Variants in MAF observed in about 807,000 individuals in gnomAD.
MAF encodes transcription factor Maf.
In MAF, 10 loss-of-function variants were observed where a neutral mutation model predicts 22.0. That is an observed-to-expected ratio of 0.45 (90% CI 0.28 to 0.77). The LOEUF (loss-of-function observed/expected upper bound fraction) is 0.77, where lower values mean the gene tolerates loss of function less well. Ranked by LOEUF, MAF falls within the 30% of genes least tolerant of loss-of-function variation. The pLI is 0.12. For synonymous variants in MAF, 337 were observed against 255.8 expected, an observed-to-expected ratio of 1.32 and a Z score of -3.03; for missense variants, 544 against 548.4, an observed-to-expected ratio of 0.99 and a Z score of 0.08.
At chr16:79,322,106 C>T in the MAF span, among the ~76,000 whole-genome samples, 11 of 152,028 alleles carry the variant, frequency 7.2e-5, no homozygotes, top group Admixed American at 7.2e-4. Flanking sequence ...GTAGCACATG[C>T]CTGTAATCCC....
chr16:79,256,603 G>T, the MAF span, among the ~76,000 whole-genome samples: 4 of 152,124 alleles, frequency 2.6e-5, no homozygotes, highest in African/African-American at 9.7e-5. Flanking sequence ...TCCCCAGCAT[G>T]AGGTTTTAAC....
the MAF span, among the ~76,000 whole-genome samples, chr16:79,443,997 T>C: frequency 6.6e-6 from 1 of 152,190 alleles, no homozygotes. Flanking sequence ...GGTAGAGAAT[T>C]AATTAAACAT....
the MAF span, among the ~76,000 whole-genome samples, chr16:79,436,144 A>G: frequency 8.7e-4 from 133 of 152,288 alleles, no homozygotes; most frequent in African/African-American, 3.0e-3. Flanking sequence ...GTGCAGTGGC[A>G]TGATCTCGGC....
the MAF span, among the ~76,000 whole-genome samples, chr16:79,492,833 G>C: frequency 6.6e-6 from 1 of 152,228 alleles, no homozygotes; most frequent in East Asian, 1.9e-4. Context: ...TTATTCTTTG[G>C]TGTTAGAAGT....
the MAF span, among the ~76,000 whole-genome samples, chr16:79,484,236 A>G: frequency 6.6e-6 from 1 of 152,288 alleles, no homozygotes; most frequent in Admixed American, 6.5e-5. Context: ...CTGAGAATCC[A>G]CTGAATGCCC....
the MAF span, among the ~76,000 whole-genome samples, chr16:79,509,707 G>A: frequency 6.6e-6 from 1 of 152,228 alleles, no homozygotes; most frequent in South Asian, 2.1e-4. Context: ...GCATGGCATT[G>A]CCTCTCCCTC....
the MAF span, among the ~76,000 whole-genome samples, chr16:79,217,354 T>C: frequency 1.3e-5 from 2 of 152,200 alleles, no homozygotes; most frequent in Non-Finnish European, 2.9e-5. Flanking sequence ...GAAGCATATA[T>C]ACATTACATT....
the MAF span, chr16:79,205,757 A>G: frequency 1.3e-5 from 2 of 152,212 alleles, no homozygotes; most frequent in African/African-American, 2.4e-5. Context: ...TGTGGGAGTC[A>G]GTTGTCAGGA....
chr16:79,208,420 C>T, the MAF span, among the ~76,000 whole-genome samples: 1 of 151,954 alleles, frequency 6.6e-6, no homozygotes, highest in Non-Finnish European at 1.5e-5. Flanking sequence ...ATAGCTCCAG[C>T]CAGTGTTTGT....
At chr16:79,247,598 T>A in the MAF span, among the ~76,000 whole-genome samples, 1 of 152,202 alleles carries the variant, frequency 6.6e-6, no homozygotes, top group Non-Finnish European at 1.5e-5. Flanking sequence ...CTGAGGCACC[T>A]CTTCCCCGCT....
At chr16:79,507,027 C>G in the MAF span, among the ~76,000 whole-genome samples, 6 of 151,912 alleles carry the variant, frequency 3.9e-5, no homozygotes, top group African/African-American at 1.5e-4. Flanking sequence ...TAATATCTAT[C>G]TTTCTTCCTA....
At chr16:79,502,245 C>T in the MAF span, among the ~76,000 whole-genome samples, 4 of 152,184 alleles carry the variant, frequency 2.6e-5, no homozygotes, top group Non-Finnish European at 4.4e-5. Flanking sequence ...TAGCCAAGCA[C>T]AAGCCTGCTG....
At chr16:79,565,007 G>A in the MAF span, among the ~76,000 whole-genome samples, 1 of 152,196 alleles carries the variant, frequency 6.6e-6, no homozygotes, top group Non-Finnish European at 1.5e-5. Context: ...GAATGGTGGA[G>A]CTGGGAGAGG....
chr16:79,286,951 AAAAC>A, the MAF span, among the ~76,000 whole-genome samples: 25 of 152,294 alleles, frequency 1.6e-4, 1 homozygote, highest in East Asian at 9.7e-4. Flanking sequence ...AAAAAACCAA[AAAAC>A]AAACAGACAA....
chr16:79,225,232 G>C, the MAF span, among the ~76,000 whole-genome samples: 1 of 152,262 alleles, frequency 6.6e-6, no homozygotes, highest in South Asian at 2.1e-4. Context: ...TCTGATCCTT[G>C]ACAAACTTGA....
chr16:79,360,944 G>A, the MAF span, among the ~76,000 whole-genome samples: 24 of 152,172 alleles, frequency 1.6e-4, no homozygotes, highest in African/African-American at 4.8e-4. Flanking sequence ...GCTGGAAGTC[G>A]GCCATGGTAG....
the MAF span, among the ~76,000 whole-genome samples, chr16:79,383,596 A>C: frequency 3.7e-3 from 558 of 152,330 alleles, 3 homozygotes; most frequent in African/African-American, 0.012. Flanking sequence ...GCCAGGCCTC[A>C]ATTATCAGCA....
the MAF span, among the ~76,000 whole-genome samples, chr16:79,218,029 A>T: frequency 1.3e-5 from 2 of 148,848 alleles, no homozygotes; most frequent in Non-Finnish European, 3.0e-5. Context: ...AAAAAATCTA[A>T]AATAGCAATA....
chr16:79,302,717 G>T, the MAF span, among the ~76,000 whole-genome samples: 2 of 152,202 alleles, frequency 1.3e-5, no homozygotes, highest in African/African-American at 2.4e-5. Context: ...TCAGGAAAAA[G>T]AATTGATTGA....
Sources: gnomAD v4.1 joint callset for allele counts (sites outside exome capture counted in the v4.1 genomes callset) on GRCh38, gnomAD v4.1.1 for gene constraint, MANE v1.5 for transcripts, NCBI Gene and HGNC (gene_info 2026-07-23, HGNC 2026-07-21) for gene names.